The following ATP2B4 variants were observed in gnomAD, a reference collection of about 807,000 sequenced individuals.
ATP2B4 encodes ATPase plasma membrane Ca2+ transporting 4.
Under a neutral mutation model 110.3 loss-of-function variants are expected in ATP2B4, and 39 were observed. That is an observed-to-expected ratio of 0.35 (90% CI 0.27 to 0.46). The LOEUF (loss-of-function observed/expected upper bound fraction) is 0.46. ATP2B4 is among the 20% of genes least tolerant of loss of function. The pLI, the probability that ATP2B4 is intolerant of heterozygous loss-of-function variation, is 1.00. For missense variants in ATP2B4, 1,135 were observed against 1,530.9 expected, an observed-to-expected ratio of 0.74 and a Z score of 4.32; for synonymous variants, 538 against 571.7, an observed-to-expected ratio of 0.94 and a Z score of 0.84.
chr1:203,638,030 A>G (rs1663510385), intron 1 of ATP2B4, among the ~76,000 whole-genome samples: 1 of 152,088 alleles, frequency 6.6e-6, no homozygotes, highest in South Asian at 2.1e-4. Flanking sequence ...GAATGGGGAG[A>G]CTAGAATTTG....
intron 8 of ATP2B4, among the ~76,000 whole-genome samples, chr1:203,706,412 C>A (rs1039794458): frequency 1.3e-5 from 2 of 152,192 alleles, no homozygotes; most frequent in African/African-American, 4.8e-5. Context: ...CAGCAGGTGC[C>A]CACATAAGTA....
intron 20 of ATP2B4, chr1:203,727,794 T>C (rs1666569040): frequency 5.5e-6 from 3 of 549,016 alleles, no homozygotes; most frequent in Admixed American, 3.3e-5. Context: ...GGGACACTAT[T>C]AGCATAGTCC....
chr1:203,700,843 T>C lies in ATP2B4; in HGVS notation c.821T>C (p.Val274Ala). ...TCTGGCCGGATGGTGGTGACAGCTG[T>C]TGGTGTCAACTCTCAGACTGGAATC... ...EGSGRMVVTA[V>A]GVNSQTGIIL... The change falls in exon 6 of 21, where the codon GTT becomes GCT. Residue 274 changes from valine (V) to alanine (A), a missense_variant. By Grantham distance (64) the Val-to-Ala change is moderately conservative. This residue lies in a region of ATP2B4 where 162 missense variants were observed against 210.5 expected (regional missense o/e 0.77). Transcript: ENST00000357681. 6.2e-7 allele frequency: 1 copy of C among 1,612,880 alleles called. No homozygotes were observed. The highest frequency in any genetic ancestry group is 8.5e-7 in the Non-Finnish European group (1 of 1,179,442).
intron 2 of ATP2B4, among the ~76,000 whole-genome samples, chr1:203,688,866 T>TATAAACAAAACA (rs1274413694): frequency 6.7e-6 from 1 of 149,308 alleles, no homozygotes; most frequent in Non-Finnish European, 1.5e-5. Context: ...TCAGTCTTTA[T>TATAAACAAAACA]GTCTGTATAT....
Position 203,740,336 on chromosome 1 carries a change from C to G in ATP2B4, c.*482C>G, listed in dbSNP as rs937063258. On this transcript the variant is annotated 3_prime_UTR_variant, in exon 21 of 21. Transcript: ENST00000357681. ...GTAGTGTGATTGTTTTTCAATTTTT[C>G]CCACTTTGAAAACTTACACCTAAAG... 2.5e-5 allele frequency: 4 copies of G among 157,314 alleles called. No individual in the cohort carries two copies. The highest frequency in any genetic ancestry group is 9.7e-5 in the African/African-American group (4 of 41,444). 9.7% of individuals were successfully genotyped at this position (157,314 alleles called of 1,614,324 possible).
Position 203,683,112 on chromosome 1 carries a change from G to C in ATP2B4, c.-94G>C. The C allele has an allele frequency of 7.0e-7, 1 of 1,421,522 alleles. No individual in the cohort carries two copies. Among genetic ancestry groups the C allele is most frequent in the Middle Eastern group, 2.6e-4 (1 of 3,902 alleles). 88.1% of individuals were successfully genotyped at this position (1,421,522 alleles called of 1,614,324 possible). ...TGGGCCCCCAGAGAAGCAAGAAGTA[G>C]GAAGAAGTTGAGACAGGGAGGCAGG... is the stretch of plus-strand genomic sequence containing the variant. On this transcript the variant is annotated 5_prime_UTR_variant, in exon 2 of 21. Transcript: ENST00000357681.
intron 20 of ATP2B4, among the ~76,000 whole-genome samples, chr1:203,734,087 G>A (rs553399593): frequency 6.6e-6 from 1 of 152,276 alleles, no homozygotes; most frequent in East Asian, 1.9e-4. Flanking sequence ...AGATCACGAG[G>A]TCAGGAGATC....
chr1:203,703,624 A>G (rs746332372), intron 7 of ATP2B4, 28 bp from the exon 8 acceptor site: 2 of 1,608,434 alleles, frequency 1.2e-6, no homozygotes, highest in African/African-American at 1.3e-5. Flanking sequence ...TTGCCTGCTC[A>G]CCTGTCCTAT....
Position 203,634,002 on chromosome 1 carries a change from A to G in ATP2B4, c.-465+6783A>G, listed in dbSNP as rs144878244. On this transcript the variant is annotated intron_variant, in intron 1 of 20. Coordinates refer to ENST00000357681, the MANE Select transcript of ATP2B4 (RefSeq NM_001684.5). ...GAGGCGGAGGTTGCAGTGAGCCAAG[A>G]TCACACTATTGCACTCCAGCCTGGG... 8.3e-3 allele frequency among the ~76,000 whole-genome samples: 1,271 copies of G among 152,286 alleles called. 21 individuals are homozygous for G. Among genetic ancestry groups the G allele is most frequent in the African/African-American group, 0.029 (1,184 of 41,538 alleles).
intron 1 of ATP2B4, among the ~76,000 whole-genome samples, chr1:203,633,401 C>T (rs1470546231): frequency 6.6e-6 from 1 of 152,106 alleles, no homozygotes; most frequent in Non-Finnish European, 1.5e-5. Context: ...TTGAGGCTCC[C>T]ATGAGCTCTG....
intron 1 of ATP2B4, among the ~76,000 whole-genome samples, chr1:203,636,472 T>C (rs778125802): frequency 6.6e-6 from 1 of 152,204 alleles, no homozygotes; most frequent in Non-Finnish European, 1.5e-5. Context: ...CGTAGGCTCA[T>C]GTAGGTGACG....
At chr1:203,720,924 T>C (rs1666302755) in intron 16 of ATP2B4, among the ~76,000 whole-genome samples, 184 bp downstream of exon 16, 1 of 152,186 alleles carries the variant, frequency 6.6e-6, no homozygotes. Flanking sequence ...TTACAGGCCT[T>C]AGCTTAGCAC....
intron 10 of ATP2B4, among the ~76,000 whole-genome samples, chr1:203,708,911 T>C (rs1012308089): frequency 3.3e-5 from 5 of 151,870 alleles, no homozygotes; most frequent in Non-Finnish European, 7.4e-5. Context: ...AATCCCAACA[T>C]TTTGGGAGGT....
chr1:203,683,674 T>C (rs1215861130), intron 2 of ATP2B4, among the ~76,000 whole-genome samples: 3 of 140,604 alleles, frequency 2.1e-5, no homozygotes, highest in Admixed American at 7.1e-5. Flanking sequence ...TTCTTTTTTT[T>C]TTTTTTTTTT....
chr1:203,631,555 T>C (rs1390661639), intron 1 of ATP2B4, among the ~76,000 whole-genome samples: 1 of 152,164 alleles, frequency 6.6e-6, no homozygotes, highest in African/African-American at 2.4e-5. Context: ...GCGAAATCAA[T>C]GCCAGGAATA....
intron 1 of ATP2B4, among the ~76,000 whole-genome samples, chr1:203,662,623 G>T (rs536387457): frequency 6.6e-6 from 1 of 152,176 alleles, no homozygotes; most frequent in Non-Finnish European, 1.5e-5. Flanking sequence ...AGGTTCATCC[G>T]TGTGGCAGCA....
At chr1:203,653,946 A>G (rs1406756995) in intron 1 of ATP2B4, among the ~76,000 whole-genome samples, 1 of 148,986 alleles carries the variant, frequency 6.7e-6, no homozygotes, top group East Asian at 2.0e-4. Flanking sequence ...ATCTATTTAC[A>G]GCATGGTTTG....
At chr1:203,739,421 G>A in intron 20 of ATP2B4, 125 bp from the exon 21 acceptor site, 1 of 937,162 alleles carries the variant, frequency 1.1e-6, no homozygotes, top group South Asian at 1.7e-5. Context: ...GTTTGGTTTT[G>A]ATGCTGAGCA....
At chr1:203,722,254 G>A (rs1375572493) in intron 17 of ATP2B4, among the ~76,000 whole-genome samples, 3 of 152,172 alleles carry the variant, frequency 2.0e-5, no homozygotes, top group Non-Finnish European at 1.5e-5. Context: ...AGGATCACTT[G>A]AGCAGGAAGG....
Sources: gnomAD v4.1 joint callset for allele counts (sites outside exome capture counted in the v4.1 genomes callset) on GRCh38, gnomAD v4.1.1 for gene constraint, gnomAD v4.1.1 regional missense constraint, MANE v1.5 for transcripts, NCBI Gene and HGNC (gene_info 2026-07-23, HGNC 2026-07-21) for gene names.